Variants in TRAF6 observed in about 807,000 individuals in gnomAD.
The protein encoded by TRAF6 is TNF receptor associated factor 6.
Under a neutral mutation model 48.4 loss-of-function variants are expected in TRAF6, and 10 were observed. The observed-to-expected ratio is 0.21, with a 90% confidence interval of 0.13 to 0.35. The LOEUF (loss-of-function observed/expected upper bound fraction) is 0.35. TRAF6 is among the 10% of genes least tolerant of loss of function. The pLI, the probability that TRAF6 is intolerant of heterozygous loss-of-function variation, is 1.00. For missense variants in TRAF6, 397 were observed against 661.0 expected (o/e 0.60, Z 4.38); for synonymous variants, 186 against 219.6 (o/e 0.85, Z 1.35).
rs970563631 is a variant in TRAF6 at position 36,490,689 on chromosome 11, C to G, written c.757-39G>C. Reference sequence around the variant, plus strand: ...ACAAGCCTTAGGCTGGGAATAGATACCGTGAGGAGTAGGAAAAGGACCTGG... The same window carrying G: ...ACAAGCCTTAGGCTGGGAATAGATAGCGTGAGGAGTAGGAAAAGGACCTGG... On this transcript the variant is annotated intron_variant, in intron 6 of 6. Coordinates refer to ENST00000526995, the MANE Select transcript of TRAF6 (RefSeq NM_004620.4). The surrounding 1 kb of genome is among the most constrained non-coding windows in gnomAD (Gnocchi z 6.4). The G allele has an allele frequency of 6.4e-6, 10 of 1,557,382 alleles. No individual in the cohort carries two copies. The highest frequency in any genetic ancestry group is 8.7e-6 in the Non-Finnish European group (10 of 1,148,594).
chr11:36,490,655 A>G lies in TRAF6; in HGVS notation c.757-5T>C. On this transcript the variant is annotated splice_region_variant and splice_polypyrimidine_tract_variant and intron_variant, in intron 6 of 6. Coordinates refer to ENST00000526995, the MANE Select transcript of TRAF6 (RefSeq NM_004620.4). The surrounding 1 kb of genome is among the most constrained non-coding windows in gnomAD (Gnocchi z 6.4). The stretch of plus-strand genomic sequence containing the variant: ...TGCCAAGTGATTCCTCTGCATCTAA[A>G]AATCAAGCACAAGCCTTAGGCTGGG... 1 of 1,603,996 alleles carries G rather than the reference A, an allele frequency of 6.2e-7. No individual in the cohort carries two copies. The highest frequency in any genetic ancestry group is 8.5e-7 in the Non-Finnish European group (1 of 1,172,994).
intron 1 of TRAF6, among the ~76,000 whole-genome samples, chr11:36,503,024 T>C (rs1176847454): frequency 6.6e-6 from 1 of 152,180 alleles, no homozygotes; most frequent in African/African-American, 2.4e-5. Flanking sequence ...TTAAGTAACT[T>C]ACCTAAGATT....
At chr11:36,500,272 G>A (rs1859698139) in intron 2 of TRAF6, among the ~76,000 whole-genome samples, 1 of 152,144 alleles carries the variant, frequency 6.6e-6, no homozygotes, top group Non-Finnish European at 1.5e-5. Context: ...GTATAAATAC[G>A]GTGGTGAGGG....
chr11:36,504,514 T>G (rs1859760314), intron 1 of TRAF6, among the ~76,000 whole-genome samples: 1 of 152,168 alleles, frequency 6.6e-6, no homozygotes, highest in Non-Finnish European at 1.5e-5. Context: ...CTAATTCTAG[T>G]TCTCTTGCTA....
chr11:36,489,776 G>T lies in TRAF6; in HGVS notation c.*62C>A, dbSNP rs1341079848. On this transcript the variant is annotated 3_prime_UTR_variant, in exon 7 of 7. Transcript: ENST00000526995. The stretch of plus-strand genomic sequence containing the variant: ...GGCTTGTTTGTTTGCATGTTATTGA[G>T]AACAGGGCAAGGAAAGGCACTGTTT... 3.3e-6 allele frequency: 5 copies of T among 1,502,026 alleles called. No individual in the cohort carries two copies. In the East Asian group the frequency reaches 1.1e-4, roughly 34 times the overall value. 93.0% of individuals were successfully genotyped at this position (1,502,026 alleles called of 1,614,324 possible). A position where few individuals can be genotyped will look rare whatever the true frequency, so the allele number is the denominator to read the frequency against.
In TRAF6 at chr11:36,490,557, G is replaced by T. The variant is rs781456089; in HGVS notation, c.850C>A (p.Pro284Thr). 1.9e-6 allele frequency: 3 copies of T among 1,614,116 alleles called. No individual in the cohort carries two copies. The highest frequency in any genetic ancestry group is 2.5e-6 in the Non-Finnish European group (3 of 1,180,046). ...ACCTCTGAGATATACCCAGAGTCGG[G>T]TATAACGCTCAAACTATGAACAGCC... ...AQAVHSLSVI[P>T]DSGYISEVRN... The change falls in exon 7 of 7, where the codon CCC (proline) becomes ACC (threonine). Residue 284 changes from proline to threonine, a missense_variant. Pro to Thr is a conservative substitution (Grantham distance 38). Transcript: ENST00000526995. This position sits in a 1 kb window ranked among gnomAD's most constrained non-coding sequence, Gnocchi z 6.4.
intron 1 of TRAF6, among the ~76,000 whole-genome samples, chr11:36,506,947 T>C (rs1424801600): frequency 6.6e-6 from 1 of 152,080 alleles, no homozygotes; most frequent in Non-Finnish European, 1.5e-5. Context: ...TTTTGTTTCC[T>C]CTTTCTTTGG....
intron 5 of TRAF6, among the ~76,000 whole-genome samples, chr11:36,494,690 A>T (rs999172107): frequency 1.8e-4 from 27 of 151,614 alleles, no homozygotes; most frequent in African/African-American, 6.5e-4. Flanking sequence ...ACTTTTGATT[A>T]TTTTTATCTT....
At chr11:36,492,786 A>C (rs2133666926) in intron 5 of TRAF6, among the ~76,000 whole-genome samples, 158 bp from the exon 6 acceptor site, 2 of 152,342 alleles carry the variant, frequency 1.3e-5, no homozygotes, top group East Asian at 3.9e-4. Context: ...TTAAAAGAAC[A>C]TCTACTTTCA....
At chr11:36,499,988 A>G (rs1489856945) in intron 2 of TRAF6, among the ~76,000 whole-genome samples, 2 of 152,194 alleles carry the variant, frequency 1.3e-5, no homozygotes, top group East Asian at 3.9e-4. Context: ...ATCTATTTCC[A>G]TGGAAATTGC....
chr11:36,497,172 T>G lies in TRAF6; in HGVS notation c.542A>C (p.Asp181Ala), dbSNP rs778722636. The G allele has an allele frequency of 1.2e-6, 2 of 1,614,006 alleles. No homozygotes were observed. Among genetic ancestry groups the G allele is most frequent in the Non-Finnish European group, 1.7e-6 (2 of 1,179,964 alleles). Residue 181 changes from aspartate to alanine, a missense_variant, in exon 4 of 7, where the codon GAT (aspartate) becomes GCT (alanine). By Grantham distance (126) the Asp-to-Ala change is moderately radical. This residue lies in a region of TRAF6 where 245 missense variants were observed against 349.1 expected (regional missense o/e 0.70). Coordinates refer to ENST00000526995, the MANE Select transcript of TRAF6 (RefSeq NM_004620.4). ...KFHINIHILK[D>A]CPRRQVSCDN... ...ACAAGAAACCTGTCTCCTTGGACAA[T>G]CCTTCAGAATGTGAATATTAATATG...
chr11:36,500,303 T>G (rs1263391522), intron 2 of TRAF6, among the ~76,000 whole-genome samples: 1 of 151,912 alleles, frequency 6.6e-6, no homozygotes, highest in African/African-American at 2.4e-5. Flanking sequence ...AAGGTGAGAT[T>G]TGAGCCAAAG....
intron 1 of TRAF6, among the ~76,000 whole-genome samples, chr11:36,505,947 C>T (rs1859778698): frequency 6.6e-6 from 1 of 152,036 alleles, no homozygotes; most frequent in African/African-American, 2.4e-5. Flanking sequence ...GCATGTACTC[C>T]AAAACAACAA....
chr11:36,506,936 T>A (rs1334266223), intron 1 of TRAF6, among the ~76,000 whole-genome samples: 2 of 152,106 alleles, frequency 1.3e-5, no homozygotes, highest in Non-Finnish European at 2.9e-5. Context: ...CCACTTAGCA[T>A]TTTTGTTTCC....
intron 1 of TRAF6, among the ~76,000 whole-genome samples, chr11:36,502,298 A>G (rs1198027697): frequency 2.0e-5 from 3 of 152,180 alleles, no homozygotes; most frequent in African/African-American, 7.2e-5. Flanking sequence ...ACTATGTTTC[A>G]TTATTAATGA....
intron 1 of TRAF6, among the ~76,000 whole-genome samples, chr11:36,509,442 C>G (rs923022827): frequency 6.6e-6 from 1 of 150,548 alleles, no homozygotes; most frequent in Non-Finnish European, 1.5e-5. Flanking sequence ...TTTTTTTAAA[C>G]TCGCTGCCTG....
rs1248233841 is a variant in TRAF6 at position 36,488,876 on chromosome 11, C to G, written c.*962G>C. 1 of 152,224 alleles carries G rather than the reference C, an allele frequency of 6.6e-6. No individual in the cohort carries two copies. The highest frequency in any genetic ancestry group is 1.5e-5 in the Non-Finnish European group (1 of 68,034). 9.4% of individuals were successfully genotyped at this position (152,224 alleles called of 1,614,324 possible). ...ATAAACCAGAGGGTATTCAAAAGAG[C>G]TGAAAACTTCTGGCTCACATAGCTT... On this transcript the variant is annotated 3_prime_UTR_variant, in exon 7 of 7. Coordinates refer to ENST00000526995, the MANE Select transcript of TRAF6 (RefSeq NM_004620.4).
intron 2 of TRAF6, among the ~76,000 whole-genome samples, chr11:36,499,152 C>A (rs1425167496): frequency 6.6e-6 from 1 of 152,160 alleles, no homozygotes; most frequent in Non-Finnish European, 1.5e-5. Flanking sequence ...CTATAACACT[C>A]CAGCTAACAG....
At position 36,490,430 on chromosome 11, in the gene TRAF6, T is replaced by C. The variant is rs1184735808; in HGVS notation, c.977A>G (p.Tyr326Cys). 1.9e-6 allele frequency: 3 copies of C among 1,613,936 alleles called. No homozygotes were observed. The highest frequency in any genetic ancestry group is 1.1e-5 in the South Asian group (1 of 91,072). Residue 326 changes from tyrosine to cysteine, a missense_variant, in exon 7 of 7, where the codon TAT becomes TGT. Transcript: ENST00000526995. The surrounding 1 kb of genome is among the most constrained non-coding windows in gnomAD (Gnocchi z 6.4). ...LTAKMETQSMYVSELKRTIRT... is the reference protein window; with the variant it reads ...LTAKMETQSMCVSELKRTIRT... ...AATGGTTCGTTTGAGCTCACTTACA[T>C]ACATACTCTGAGTTTCCATTTTAGC... is the stretch of plus-strand genomic sequence containing the variant.
Sources: allele counts gnomAD v4.1 joint callset (sites outside exome capture counted in the v4.1 genomes callset), GRCh38; gene constraint gnomAD v4.1.1; regional missense constraint gnomAD v4.1.1; non-coding constraint Gnocchi (gnomAD v3.1); transcripts MANE v1.5; gene names NCBI Gene and HGNC (gene_info 2026-07-23, HGNC 2026-07-21).